Variants in ADAMTSL1 observed in about 807,000 individuals in gnomAD.
ADAMTSL1 encodes the protein ADAMTS-like protein 1.
ADAMTSL1 carries 126 observed loss-of-function variants against 201.8 expected under a neutral mutation model. The ratio of observed to expected loss-of-function variants is 0.62; its 90% confidence interval spans 0.54 to 0.72. The LOEUF (loss-of-function observed/expected upper bound fraction) is 0.72, where lower values mean the gene tolerates loss of function less well. Among genes scored for constraint, ADAMTSL1 ranks in the 30% least tolerant of loss-of-function variants. The pLI is 0.00. For synonymous variants in ADAMTSL1, 1,121 were observed against 903.4 expected (o/e 1.24, Z -4.32); for missense variants, 2,679 against 2,277.8 (o/e 1.18, Z -3.59).
intron 2 of ADAMTSL1, among the ~76,000 whole-genome samples, chr9:18,386,852 C>T (rs1251677223): frequency 6.6e-6 from 1 of 152,096 alleles, no homozygotes; most frequent in African/African-American, 2.4e-5. Flanking sequence ...GCACAATGAG[C>T]TGAATATTAA....
intron 2 of ADAMTSL1, among the ~76,000 whole-genome samples, chr9:18,516,057 T>C (rs1391581915): frequency 1.5e-5 from 2 of 133,158 alleles, no homozygotes; most frequent in Non-Finnish European, 3.1e-5. Context: ...TCAGCATCCA[T>C]CCCTCCAGCT....
At chr9:18,488,691 G>C (rs1293540457) in intron 1 of ADAMTSL1, among the ~76,000 whole-genome samples, 1 of 152,154 alleles carries the variant, frequency 6.6e-6, no homozygotes, top group Non-Finnish European at 1.5e-5. Context: ...ACAGGTAGCA[G>C]GTGCCCAATA....
At chr9:18,394,762 C>T (rs998328672) in intron 2 of ADAMTSL1, among the ~76,000 whole-genome samples, 1 of 152,186 alleles carries the variant, frequency 6.6e-6, no homozygotes, top group African/African-American at 2.4e-5. Flanking sequence ...CTTTAGACAA[C>T]ATGAGACAGT....
intron 1 of ADAMTSL1, among the ~76,000 whole-genome samples, chr9:18,116,688 C>A: frequency 6.6e-6 from 1 of 152,062 alleles, no homozygotes; most frequent in Admixed American, 6.6e-5. Context: ...TTTTCTTTTT[C>A]TTTTTTTATG....
At chr9:18,214,433 C>G (rs983622819) in intron 2 of ADAMTSL1, among the ~76,000 whole-genome samples, 2 of 152,164 alleles carry the variant, frequency 1.3e-5, no homozygotes, top group Non-Finnish European at 2.9e-5. Context: ...TTTTCTGAAT[C>G]TGTCTAAATA....
intron 26 of ADAMTSL1, among the ~76,000 whole-genome samples, chr9:18,897,255 G>C (rs1829701137): frequency 1.3e-5 from 2 of 152,050 alleles, no homozygotes; most frequent in South Asian, 4.2e-4. Flanking sequence ...AAGGGGCAGT[G>C]AGTCTCTGCC....
chr9:18,533,137 G>GT, intron 2 of ADAMTSL1, 110 bp from the exon 3 acceptor site: 1 of 743,694 alleles, frequency 1.3e-6, no homozygotes, highest in Admixed American at 2.7e-5. Context: ...ATGCTTAGAA[G>GT]AAAAGAGAGG....
intron 3 of ADAMTSL1, among the ~76,000 whole-genome samples, chr9:18,542,740 C>A (rs1032835435): frequency 6.6e-6 from 1 of 152,156 alleles, no homozygotes; most frequent in Non-Finnish European, 1.5e-5. Flanking sequence ...CTTATGGCAA[C>A]CCTAGTCAAC....
At chr9:18,152,304 T>C (rs2132048371) in intron 1 of ADAMTSL1, among the ~76,000 whole-genome samples, 1 of 151,964 alleles carries the variant, frequency 6.6e-6, no homozygotes, top group East Asian at 1.9e-4. Context: ...ACTGATGAGA[T>C]TTTAGTAGAA....
intron 3 of ADAMTSL1, among the ~76,000 whole-genome samples, chr9:18,553,961 C>G (rs184344282): frequency 2.8e-4 from 42 of 151,928 alleles, no homozygotes; most frequent in Admixed American, 1.1e-3. Context: ...AAAATTCTCA[C>G]AAAATTATTT....
intron 4 of ADAMTSL1, among the ~76,000 whole-genome samples, chr9:18,589,125 C>A (rs1024620737): frequency 2.0e-5 from 3 of 151,962 alleles, no homozygotes; most frequent in South Asian, 4.2e-4. Context: ...GATCTGCCCA[C>A]CTTGGCCTCC....
At chr9:17,918,014 A>G (rs1826167398) in intron 1 of ADAMTSL1, among the ~76,000 whole-genome samples, 1 of 151,848 alleles carries the variant, frequency 6.6e-6, no homozygotes, top group Admixed American at 6.6e-5. Context: ...TAGTTATATT[A>G]CCTGTATCAT....
chr9:18,159,219 CAT>C (rs1827283506), intron 1 of ADAMTSL1, among the ~76,000 whole-genome samples: 1 of 151,970 alleles, frequency 6.6e-6, no homozygotes, highest in South Asian at 2.1e-4. Flanking sequence ...ACAGGCATAA[CAT>C]ATTTTACAGA....
At chr9:18,023,140 C>CTATATATATATATATATATATATA (rs147130418) in intron 1 of ADAMTSL1, among the ~76,000 whole-genome samples, 18 of 150,792 alleles carry the variant, frequency 1.2e-4, no homozygotes, top group Non-Finnish European at 1.5e-4. Context: ...GAATTATTTA[C>CTATATATATATATATATATATATA]TATATATATG....
intron 2 of ADAMTSL1, among the ~76,000 whole-genome samples, chr9:18,177,538 A>C (rs1828224698): frequency 1.3e-5 from 2 of 152,294 alleles, no homozygotes; most frequent in Admixed American, 1.3e-4. Flanking sequence ...GACCAGTATG[A>C]TCAAAGGTGC....
chr9:17,913,012 T>C (rs1187014734), intron 1 of ADAMTSL1, among the ~76,000 whole-genome samples: 1 of 152,206 alleles, frequency 6.6e-6, no homozygotes, highest in Non-Finnish European at 1.5e-5. Flanking sequence ...GTGGCGTTAT[T>C]TCTGAGGGCT....
rs145884733 is a variant in ADAMTSL1, at chr9:18,033,675, C to G, written c.87+126753C>G. On this transcript the variant is annotated intron_variant, in intron 1 of 29. Transcript: ENST00000680146. The stretch of plus-strand genomic sequence containing the variant: ...ACTCCAGGTTTGAACTTTAAGACAA[C>G]CAAGTTTCATATTCAGTCCACAATT... 3.1e-3 allele frequency among the ~76,000 whole-genome samples: 469 copies of G among 152,300 alleles called. 1 individual carries two copies. The highest frequency in any genetic ancestry group is 0.01 in the African/African-American group (436 of 41,564).
chr9:18,464,687 A>G (rs988338478), intron 2 of ADAMTSL1, among the ~76,000 whole-genome samples: 1 of 152,250 alleles, frequency 6.6e-6, no homozygotes, highest in African/African-American at 2.4e-5. Flanking sequence ...AGAGTGGTTC[A>G]TAGCCAATTT....
chr9:18,341,456 TG>T (rs564691458), intron 2 of ADAMTSL1, among the ~76,000 whole-genome samples: 5 of 152,178 alleles, frequency 3.3e-5, no homozygotes, highest in African/African-American at 4.8e-5. Context: ...ACTTTCATTT[TG>T]GAGAGCATTT....
Sources: gnomAD v4.1 joint callset for allele counts (sites outside exome capture counted in the v4.1 genomes callset) on GRCh38, gnomAD v4.1.1 for gene constraint, MANE v1.5 for transcripts, NCBI Gene and HGNC (gene_info 2026-07-23, HGNC 2026-07-21) for gene names.